Variants in LYN observed in about 807,000 individuals in gnomAD.
LYN encodes tyrosine-protein kinase Lyn.
Under a neutral mutation model 65.0 loss-of-function variants are expected in LYN, and 12 were observed. That is an observed-to-expected ratio of 0.18 (90% CI 0.12 to 0.30). LYN has a LOEUF of 0.30. Among genes scored for constraint, LYN ranks in the 10% least tolerant of loss-of-function variants. The pLI is 1.00. For synonymous variants in LYN, 222 were observed against 221.2 expected (o/e 1.00, Z -0.03); for missense variants, 380 against 623.2 (o/e 0.61, Z 4.16).
At chr8:55,884,306 T>C (rs1404478433) in intron 1 of LYN, among the ~76,000 whole-genome samples, 1 of 152,214 alleles carries the variant, frequency 6.6e-6, no homozygotes, top group Non-Finnish European at 1.5e-5. Flanking sequence ...GGTTTCATCA[T>C]GTTGGCCAGG....
At chr8:55,906,211 T>C (rs923673575) in intron 1 of LYN, among the ~76,000 whole-genome samples, 2 of 151,956 alleles carry the variant, frequency 1.3e-5, no homozygotes, top group African/African-American at 4.8e-5. Flanking sequence ...TGTGAAAGAG[T>C]ATATGAACAT....
chr8:55,911,285 A>ATATATATATT (rs1356941100), intron 1 of LYN, among the ~76,000 whole-genome samples: 1 of 27,776 alleles, frequency 3.6e-5, no homozygotes, highest in African/African-American at 1.7e-4. Flanking sequence ...ATATATATAT[A>ATATATATATT]TTTTTTTTTT....
intron 2 of LYN, among the ~76,000 whole-genome samples, chr8:55,942,875 G>A (rs1806666621): frequency 6.6e-6 from 1 of 151,826 alleles, no homozygotes; most frequent in Admixed American, 6.6e-5. Context: ...ACTAAAATAG[G>A]TGCTAATGTG....
chr8:56,006,328 AT>A (rs1207571984), intron 12 of LYN, among the ~76,000 whole-genome samples: 1 of 152,068 alleles, frequency 6.6e-6, no homozygotes, highest in African/African-American at 2.4e-5. Context: ...AGTAATAATA[AT>A]TTGCCCTTTT....
intron 1 of LYN, among the ~76,000 whole-genome samples, chr8:55,939,628 G>A (rs1193832065): frequency 6.6e-6 from 1 of 152,218 alleles, no homozygotes; most frequent in Non-Finnish European, 1.5e-5. Context: ...GCGGCCCGGT[G>A]CGCTGTGGGT....
chr8:56,003,928 C>CTTTTTTT (rs1213079280), intron 12 of LYN, among the ~76,000 whole-genome samples: 89 of 104,678 alleles, frequency 8.5e-4, no homozygotes, highest in Non-Finnish European at 1.5e-3. Flanking sequence ...ATATTTTATT[C>CTTTTTTT]TTTTTTTTTT....
rs1197740314 is a variant in LYN, at chr8:55,937,979, G to A, written c.-5-3876G>A. Among the ~76,000 whole-genome samples the A allele has an allele frequency of 2.0e-5, 3 of 152,272 alleles. No homozygotes were observed. In the East Asian group the frequency reaches 5.8e-4, roughly 29 times the overall value. On this transcript the variant is annotated intron_variant, in intron 1 of 12. Transcript: ENST00000519728. Reference sequence around the variant, plus strand: ...CCCAAAGTTCTGGGATTACACTTGTGAGCCACCACACCTGGCCAAGGTAAG... The same window carrying A: ...CCCAAAGTTCTGGGATTACACTTGTAAGCCACCACACCTGGCCAAGGTAAG...
Position 55,891,306 on chromosome 8 carries a change from C to CGG in LYN, c.-6+11203_-6+11204insGG, listed in dbSNP as rs1585566256. Among the ~76,000 whole-genome samples the CGG allele has an allele frequency of 1.3e-4, 20 of 151,534 alleles. No homozygotes were observed. The East Asian group carries it at 3.9e-3, about 30-fold the overall frequency. ...GGCAGAGGTTGCAGTGAGTCGAGAT[C>CGG]CCGCGACTGCACTCCAGCCAGGGCA... On this transcript the variant is annotated intron_variant, in intron 1 of 12. Transcript: ENST00000519728.
intron 1 of LYN, among the ~76,000 whole-genome samples, chr8:55,886,078 G>A (rs189454292): frequency 9.2e-5 from 14 of 152,214 alleles, no homozygotes; most frequent in Admixed American, 4.6e-4. Context: ...GAAATTCCCC[G>A]TCATGGAAAG....
intron 1 of LYN, among the ~76,000 whole-genome samples, chr8:55,909,581 T>A (rs1375560301): frequency 6.6e-6 from 1 of 152,258 alleles, no homozygotes; most frequent in Admixed American, 6.5e-5. Context: ...TTGTTCTTTT[T>A]AATGTAATGA....
At chr8:55,902,662 C>T (rs1805304629) in intron 1 of LYN, 1 of 392,106 alleles carries the variant, frequency 2.6e-6, no homozygotes, top group East Asian at 6.9e-5. Flanking sequence ...TTCCTTATTA[C>T]TTAAATGTTA....
intron 1 of LYN, among the ~76,000 whole-genome samples, chr8:55,909,010 T>TAC (rs369256669): frequency 4.0e-4 from 13 of 32,246 alleles, no homozygotes; most frequent in Non-Finnish European, 5.0e-4. Flanking sequence ...TATATATATA[T>TAC]ACACACACAC....
At chr8:55,943,905 A>G (rs558317617) in intron 2 of LYN, among the ~76,000 whole-genome samples, 1 of 152,096 alleles carries the variant, frequency 6.6e-6, no homozygotes, top group Non-Finnish European at 1.5e-5. Context: ...CAACATGGTG[A>G]AACCCCATCT....
At chr8:55,921,782 G>C (rs1273746717) in intron 1 of LYN, among the ~76,000 whole-genome samples, 1 of 152,158 alleles carries the variant, frequency 6.6e-6, no homozygotes, top group Non-Finnish European at 1.5e-5. Context: ...TGGCAGGAGT[G>C]TTGATAGCAG....
intron 8 of LYN, among the ~76,000 whole-genome samples, chr8:55,955,828 T>G (rs1048677872): frequency 2.0e-5 from 3 of 152,244 alleles, no homozygotes; most frequent in Non-Finnish European, 4.4e-5. Context: ...TCAAGGTTCA[T>G]CCATGTTGTA....
At position 55,946,574 on chromosome 8, in the gene LYN, TA is replaced by T. The variant is rs1332420715; in HGVS notation, c.178+82del. 8.8e-6 allele frequency: 8 copies of T among 905,218 alleles called. No individual in the cohort carries two copies. In the Admixed American group the frequency reaches 9.0e-5, roughly 10 times the overall value. The allele number at this position is 905,218 out of a possible 1,614,324, so 56.1% of individuals were successfully genotyped here. A position where few individuals can be genotyped will look rare whatever the true frequency, so the allele number is the denominator to read the frequency against. ...ATAAAGTGATTGTCCTAAATGTTTT[TA>T]TTTTTTTTTATTGTGGGACATATAT... On this transcript the variant is annotated intron_variant, in intron 3 of 12. Transcript: ENST00000519728.
chr8:55,969,238 G>A (rs540221863), intron 9 of LYN, among the ~76,000 whole-genome samples: 7 of 152,274 alleles, frequency 4.6e-5, no homozygotes, highest in African/African-American at 1.4e-4. Context: ...ATGCCACTGC[G>A]CTCCAGCCTG....
At chr8:55,942,804 G>T (rs886272614) in intron 2 of LYN, among the ~76,000 whole-genome samples, 2 of 139,916 alleles carry the variant, frequency 1.4e-5, no homozygotes, top group East Asian at 4.0e-4. Context: ...AAAAAAAAAA[G>T]ATGTAGTGAG....
chr8:55,927,044 C>T (rs1358477036), intron 1 of LYN, among the ~76,000 whole-genome samples: 1 of 152,168 alleles, frequency 6.6e-6, no homozygotes, highest in African/African-American at 2.4e-5. Flanking sequence ...CTGTAATGAA[C>T]ATGTTACATT....
Sources: allele counts gnomAD v4.1 joint callset (sites outside exome capture counted in the v4.1 genomes callset), GRCh38; gene constraint gnomAD v4.1.1; transcripts MANE v1.5; gene names NCBI Gene and HGNC (gene_info 2026-07-23, HGNC 2026-07-21).